Variants in FBXL17 observed in about 807,000 individuals in gnomAD.
The protein encoded by FBXL17 is F-box and leucine rich repeat protein 17.
FBXL17 carries 22 observed loss-of-function variants against 66.2 expected under a neutral mutation model. That is an observed-to-expected ratio of 0.33 (90% CI 0.24 to 0.47). The LOEUF (loss-of-function observed/expected upper bound fraction) is 0.47. Ranked by LOEUF, FBXL17 falls within the 20% of genes least tolerant of loss-of-function variation. The pLI, the probability that FBXL17 is intolerant of heterozygous loss-of-function variation, is 1.00. For missense variants in FBXL17, 878 were observed against 948.2 expected, an observed-to-expected ratio of 0.93 and a Z score of 0.97; for synonymous variants, 474 against 400.5, an observed-to-expected ratio of 1.18 and a Z score of -2.19.
At chr5:107,872,741 T>A (rs999864293) in intron 8 of FBXL17, among the ~76,000 whole-genome samples, 4 of 152,214 alleles carry the variant, frequency 2.6e-5, no homozygotes, top group Non-Finnish European at 5.9e-5. Flanking sequence ...CTAACGTTTA[T>A]TGCTTGCTTC....
chr5:107,889,863 A>G (rs1380471466), intron 7 of FBXL17, among the ~76,000 whole-genome samples: 1 of 152,200 alleles, frequency 6.6e-6, no homozygotes, highest in African/African-American at 2.4e-5. Flanking sequence ...AATGATTCCT[A>G]TCATGTGACT....
intron 6 of FBXL17, among the ~76,000 whole-genome samples, chr5:108,080,697 G>A (rs564838388): frequency 2.2e-4 from 33 of 152,226 alleles, no homozygotes; most frequent in African/African-American, 7.9e-4. Context: ...AACTGGAAGT[G>A]GGGGTTTCCA....
At chr5:108,105,399 G>A (rs924627743) in intron 6 of FBXL17, among the ~76,000 whole-genome samples, 4 of 152,140 alleles carry the variant, frequency 2.6e-5, no homozygotes, top group Admixed American at 6.5e-5. Flanking sequence ...GCAAAACTGC[G>A]GCAGAAAAGT....
intron 4 of FBXL17, among the ~76,000 whole-genome samples, chr5:108,274,829 C>A (rs1757420895): frequency 6.6e-6 from 1 of 152,174 alleles, no homozygotes; most frequent in Non-Finnish European, 1.5e-5. Context: ...CTTCCCGCAA[C>A]AAATAACATT....
intron 6 of FBXL17, among the ~76,000 whole-genome samples, chr5:108,168,532 AT>A (rs1338037525): frequency 2.6e-5 from 4 of 152,186 alleles, no homozygotes; most frequent in Admixed American, 2.6e-4. Flanking sequence ...TAGACTTTCC[AT>A]TAATGGCCTA....
chr5:108,200,759 G>T (rs1415100822), intron 5 of FBXL17, among the ~76,000 whole-genome samples: 1 of 151,882 alleles, frequency 6.6e-6, no homozygotes, highest in African/African-American at 2.4e-5. Context: ...GAAGTCTACA[G>T]TGGGGGAAGC....
chr5:108,362,569 A>G (rs1206005623), intron 3 of FBXL17, among the ~76,000 whole-genome samples: 1 of 152,130 alleles, frequency 6.6e-6, no homozygotes, highest in Non-Finnish European at 1.5e-5. Flanking sequence ...GACTATTATG[A>G]AAATAAAAAT....
At chr5:108,234,147 A>G (rs1348438302) in intron 4 of FBXL17, among the ~76,000 whole-genome samples, 1 of 152,108 alleles carries the variant, frequency 6.6e-6, no homozygotes, top group Admixed American at 6.5e-5. Flanking sequence ...TTTTGCTTGG[A>G]GAGTTACTGT....
At chr5:108,061,877 T>TAA (rs1365912217) in intron 6 of FBXL17, among the ~76,000 whole-genome samples, 1 of 141,822 alleles carries the variant, frequency 7.1e-6, no homozygotes, top group African/African-American at 2.6e-5. Context: ...TTTTTGTACT[T>TAA]AAAAAAAAAA....
chr5:107,872,363 T>C (rs1203816961), intron 8 of FBXL17, among the ~76,000 whole-genome samples: 2 of 152,216 alleles, frequency 1.3e-5, no homozygotes, highest in African/African-American at 2.4e-5. Flanking sequence ...TTCTTACTTA[T>C]TTATTTTCCT....
chr5:108,119,277 A>G (rs1750382675), intron 6 of FBXL17, among the ~76,000 whole-genome samples: 1 of 152,188 alleles, frequency 6.6e-6, no homozygotes, highest in African/African-American at 2.4e-5. Context: ...GAGGTTGTGC[A>G]AGGGGAATGC....
chr5:108,103,072 C>T (rs1749662815), intron 6 of FBXL17, among the ~76,000 whole-genome samples: 1 of 152,158 alleles, frequency 6.6e-6, no homozygotes, highest in Non-Finnish European at 1.5e-5. Context: ...ATATGTATAA[C>T]ATCTTGTGAA....
At chr5:107,931,967 T>C (rs1750751621) in intron 7 of FBXL17, among the ~76,000 whole-genome samples, 2 of 152,304 alleles carry the variant, frequency 1.3e-5, no homozygotes, top group Middle Eastern at 3.4e-3. Context: ...TAAGATGGCT[T>C]ATTAAAAGTA....
intron 4 of FBXL17, among the ~76,000 whole-genome samples, chr5:108,305,855 G>GA (rs1446785856): frequency 6.6e-6 from 1 of 152,040 alleles, no homozygotes. Flanking sequence ...CTCCACCCCT[G>GA]AAAATAACAG....
At chr5:108,194,211 CA>C (rs1479294384) in intron 5 of FBXL17, among the ~76,000 whole-genome samples, 4 of 152,172 alleles carry the variant, frequency 2.6e-5, no homozygotes, top group Non-Finnish European at 5.9e-5. Flanking sequence ...AAGTTGTTCT[CA>C]CTACGCTCGG....
intron 8 of FBXL17, chr5:107,878,174 CTTAAT>C: frequency 3.4e-6 from 3 of 893,588 alleles, no homozygotes; most frequent in Non-Finnish European, 4.0e-6. Context: ...AAAAAATAAT[CTTAAT>C]TTTAAATTTA....
At chr5:108,287,663 G>A (rs575886334) in intron 4 of FBXL17, among the ~76,000 whole-genome samples, 3 of 152,154 alleles carry the variant, frequency 2.0e-5, no homozygotes, top group African/African-American at 4.8e-5. Flanking sequence ...CTACACCACT[G>A]ATGGGAATGT....
intron 4 of FBXL17, among the ~76,000 whole-genome samples, chr5:108,265,986 C>T (rs1490682160): frequency 1.3e-5 from 2 of 152,060 alleles, no homozygotes; most frequent in African/African-American, 4.8e-5. Flanking sequence ...CTTAGTTGCC[C>T]TTCAGTTTTT....
intron 6 of FBXL17, among the ~76,000 whole-genome samples, chr5:108,159,551 TGAGA>T (rs1752128791): frequency 6.6e-6 from 1 of 152,258 alleles, no homozygotes; most frequent in South Asian, 2.1e-4. Context: ...GAGGACTCAG[TGAGA>T]AGGTGCCATC....
Sources: allele counts gnomAD v4.1 joint callset (sites outside exome capture counted in the v4.1 genomes callset), GRCh38; gene constraint gnomAD v4.1.1; transcripts MANE v1.5; gene names NCBI Gene and HGNC (gene_info 2026-07-23, HGNC 2026-07-21).